AFF4: variants seen among roughly 807,000 people sequenced by gnomAD.
The protein encoded by AFF4 is ALF transcription elongation factor 4.
AFF4 carries 13 observed loss-of-function variants against 124.8 expected under a neutral mutation model. The observed-to-expected ratio is 0.10, with a 90% CI of 0.07 to 0.17. The LOEUF is 0.17. Among genes scored for constraint, AFF4 ranks in the 10% least tolerant of loss-of-function variants. AFF4 has a pLI of 1.00. For synonymous variants in AFF4, 477 were observed against 496.1 expected (o/e 0.96, Z 0.51); for missense variants, 1,092 against 1,403.8 (o/e 0.78, Z 3.55).
At position 132,963,414 on chromosome 5, in the gene AFF4, A is replaced by G; in HGVS notation, c.-160T>C. ...CTCCGGGAGGCGGCGGGGGTTCCGG[A>G]GGCCTCGACAAACGAAGGCGGCGTC... On this transcript the variant is annotated 5_prime_UTR_variant, in exon 1 of 21. Coordinates refer to ENST00000265343, the MANE Select transcript of AFF4 (RefSeq NM_014423.4). The G allele has an allele frequency of 2.5e-6, 1 of 398,130 alleles. No homozygotes were observed. Among genetic ancestry groups the G allele is most frequent in the Non-Finnish European group, 4.4e-6 (1 of 225,782 alleles). 24.7% of individuals were successfully genotyped at this position (398,130 alleles called of 1,614,324 possible).
chr5:132,909,980 C>T (rs1356418738), intron 5 of AFF4, among the ~76,000 whole-genome samples: 1 of 152,198 alleles, frequency 6.6e-6, no homozygotes, highest in Non-Finnish European at 1.5e-5. Context: ...AGACAACTTA[C>T]GTCTAAGTGT....
intron 1 of AFF4, among the ~76,000 whole-genome samples, chr5:132,939,572 C>A (rs1454645783): frequency 4.6e-5 from 7 of 152,210 alleles, no homozygotes; most frequent in Non-Finnish European, 7.3e-5. Context: ...ATGTTAACTA[C>A]CAGTTTCCTT....
In AFF4 at chr5:132,904,388, T is replaced by C. The variant is rs145445063; in HGVS notation, c.1067A>G (p.Asn356Ser). 113 of 1,611,720 alleles carry C rather than the reference T, an allele frequency of 7.0e-5. No individual in the cohort carries two copies. Among genetic ancestry groups the C allele is most frequent in the East Asian group, 6.0e-4 (27 of 44,816 alleles). Residue 356 changes from asparagine (N) to serine (S), a missense_variant, in exon 6 of 21, where the codon AAT becomes AGT. Physicochemically the swap from Asn to Ser is conservative, Grantham distance 46. Transcript: ENST00000265343. ...CTCACTTTGTTCTCCAGTGCCAAAA[T>C]TGGACTGCTGAGACTCCTAAGAAAA... ...PFPTKESQQS[N>S]FGTGEQKRYN...
intron 5 of AFF4, among the ~76,000 whole-genome samples, chr5:132,912,279 T>A (rs1581295817): frequency 6.6e-6 from 1 of 151,314 alleles, no homozygotes; most frequent in South Asian, 2.1e-4. Flanking sequence ...GAGGTGGAGG[T>A]TGCAGTGAGC....
intron 1 of AFF4, among the ~76,000 whole-genome samples, chr5:132,940,265 G>A (rs916815845): frequency 4.0e-5 from 6 of 151,544 alleles, no homozygotes; most frequent in East Asian, 2.0e-4. Context: ...TTTGGGTGGC[G>A]GAGGCGGGCA....
In AFF4 at chr5:132,934,176, T is replaced by C; in HGVS notation, c.889A>G (p.Lys297Glu). 1 of 1,613,654 alleles carries C rather than the reference T, an allele frequency of 6.2e-7. No individual in the cohort carries two copies. Among genetic ancestry groups the C allele is most frequent in the Non-Finnish European group, 8.5e-7 (1 of 1,179,622 alleles). Reference protein sequence around the residue: ...LKPSSKAHLTKLKIPSQPLDA... With the variant: ...LKPSSKAHLTELKIPSQPLDA... ...AGTGGTTGGGAAGGTATTTTCAGCT[T>C]GGTGAGATGTGCTTTGCTGCTGGGC... is the stretch of plus-strand genomic sequence containing the variant. The change falls in exon 3 of 21, where the codon AAG becomes GAG. Residue 297 changes from lysine (K) to glutamate (E), a missense_variant. Around this residue, in one of 11 missense-constraint regions of AFF4, gnomAD observed 148 missense variants for 196.3 expected, o/e 0.75. Coordinates refer to ENST00000265343, the MANE Select transcript of AFF4 (RefSeq NM_014423.4).
chr5:132,893,043 A>G lies in AFF4; in HGVS notation c.2383T>C (p.Ser795Pro). ...TTGGGAACGTACTCTCTGTTGCTGG[A>G]TGGCTTATGGCCTGCTGAATTCTTG... is the stretch of plus-strand genomic sequence containing the variant. ...EDKNSAGHKP[S>P]SNRESSKQSA... is the part of the protein sequence containing the mutation. Residue 795 changes from serine to proline, a missense_variant, in exon 12 of 21, where the codon TCC becomes CCC. Ser to Pro is a moderately conservative substitution (Grantham distance 74). Transcript: ENST00000265343. 1 of 1,614,106 alleles carries G rather than the reference A, an allele frequency of 6.2e-7. No homozygotes were observed. Among genetic ancestry groups the G allele is most frequent in the Non-Finnish European group, 8.5e-7 (1 of 1,179,978 alleles).
chr5:132,887,047 T>C (rs977534070), intron 17 of AFF4, among the ~76,000 whole-genome samples: 4 of 152,226 alleles, frequency 2.6e-5, no homozygotes, highest in South Asian at 4.1e-4. Context: ...CCATGATGAA[T>C]AGGGCTGTGT....
intron 1 of AFF4, among the ~76,000 whole-genome samples, chr5:132,946,564 A>T (rs1390328845): frequency 6.6e-6 from 1 of 152,214 alleles, no homozygotes; most frequent in African/African-American, 2.4e-5. Flanking sequence ...TGCTATGTGA[A>T]ATAAGTCAGA....
rs571229740 is a variant in AFF4, at chr5:132,937,012, A to T, written c.123+55T>A. The T allele has an allele frequency of 2.4e-4, 372 of 1,552,658 alleles. 6 individuals are homozygous for T. The South Asian group carries it at 4.2e-3, about 17-fold the overall frequency. On this transcript the variant is annotated intron_variant, in intron 2 of 20. Coordinates refer to ENST00000265343, the MANE Select transcript of AFF4 (RefSeq NM_014423.4). The stretch of plus-strand genomic sequence containing the variant: ...TAAACATTCAAGTGTGAAACATTTT[A>T]AAAGCAAAAATGTCATGCTAATGGG...
In AFF4 at chr5:132,898,215, C is replaced by T. The variant is rs375592331; in HGVS notation, c.1389+15G>A. ...GAGAGGGCCTGTGGAAGGTACCCCA[C>T]CGCCTCTGTCTCACCTCGGGAGATG... On this transcript the variant is annotated intron_variant, in intron 10 of 20. Coordinates refer to ENST00000265343, the MANE Select transcript of AFF4 (RefSeq NM_014423.4). 6 of 1,613,710 alleles carry T rather than the reference C, an allele frequency of 3.7e-6. No individual in the cohort carries two copies. Among genetic ancestry groups the T allele is most frequent in the Non-Finnish European group, 5.1e-6 (6 of 1,179,868 alleles).
chr5:132,895,396 C>T (rs1011624249), intron 11 of AFF4, among the ~76,000 whole-genome samples: 1 of 152,162 alleles, frequency 6.6e-6, no homozygotes, highest in Non-Finnish European at 1.5e-5. Flanking sequence ...TATCTCACTC[C>T]ATTTTAAGAA....
chr5:132,883,911 A>G (rs553133821), intron 19 of AFF4, among the ~76,000 whole-genome samples: 1 of 152,322 alleles, frequency 6.6e-6, no homozygotes, highest in Admixed American at 6.5e-5. Flanking sequence ...CATATTTTTT[A>G]TACTGTTTTG....
intron 2 of AFF4, among the ~76,000 whole-genome samples, chr5:132,936,022 C>T (rs866995169): frequency 4.0e-5 from 6 of 151,688 alleles, no homozygotes; most frequent in African/African-American, 7.3e-5. Context: ...AATCCCAGCA[C>T]TTTGGGAGGC....
intron 19 of AFF4, among the ~76,000 whole-genome samples, chr5:132,884,250 A>G (rs1474767889): frequency 6.6e-6 from 1 of 152,154 alleles, no homozygotes; most frequent in Non-Finnish European, 1.5e-5. Flanking sequence ...ACATATATAC[A>G]TATTTTGGAG....
At chr5:132,915,568 G>GTTT (rs34458324) in intron 5 of AFF4, among the ~76,000 whole-genome samples, 16 of 122,988 alleles carry the variant, frequency 1.3e-4, no homozygotes, top group Non-Finnish European at 2.1e-4. Flanking sequence ...TTTTTTTTGG[G>GTTT]TTTTTTTTTT....
rs956148372 is a variant in AFF4, at chr5:132,878,470, T to C, written c.*2589A>G. 3 of 232,016 alleles carry C rather than the reference T, an allele frequency of 1.3e-5. No homozygotes were observed. The highest frequency in any genetic ancestry group is 2.2e-5 in the African/African-American group (1 of 45,230). 14.4% of individuals were successfully genotyped at this position (232,016 alleles called of 1,614,324 possible). A position where few individuals can be genotyped will look rare whatever the true frequency, so the allele number is the denominator to read the frequency against. The stretch of plus-strand genomic sequence containing the variant: ...GCTTAGAAAACACTGAGGACACCTA[T>C]TGAGGAGGGAGGGGGGAAGGTCACC... On this transcript the variant is annotated 3_prime_UTR_variant, in exon 21 of 21. Transcript: ENST00000265343.
intron 4 of AFF4, among the ~76,000 whole-genome samples, chr5:132,929,594 A>G (rs961560909): frequency 6.6e-6 from 1 of 152,190 alleles, no homozygotes; most frequent in African/African-American, 2.4e-5. Context: ...AAATCTATAT[A>G]TAACTGAAGA....
At chr5:132,950,752 C>T (rs561897042) in intron 1 of AFF4, among the ~76,000 whole-genome samples, 1 of 152,202 alleles carries the variant, frequency 6.6e-6, no homozygotes, top group Non-Finnish European at 1.5e-5. Context: ...TCTCTTCCCT[C>T]CCAGTGACAA....
Sources: gnomAD v4.1 joint callset for allele counts (sites outside exome capture counted in the v4.1 genomes callset) on GRCh38, gnomAD v4.1.1 for gene constraint, gnomAD v4.1.1 regional missense constraint, MANE v1.5 for transcripts, NCBI Gene and HGNC (gene_info 2026-07-23, HGNC 2026-07-21) for gene names.